TAF5: variants seen among roughly 807,000 people sequenced by gnomAD.
TAF5 encodes the protein TATA-box binding protein associated factor 5, also known as transcription initiation factor TFIID subunit 5.
In TAF5, 20 loss-of-function variants were observed where a neutral mutation model predicts 80.9. That is an observed-to-expected ratio of 0.25 (90% CI 0.17 to 0.36). TAF5 has a LOEUF of 0.36. Among genes scored for constraint, TAF5 ranks in the 10% least tolerant of loss-of-function variants. The pLI is 1.00. For synonymous variants in TAF5, 388 were observed against 406.4 expected, an observed-to-expected ratio of 0.95 and a Z score of 0.55; for missense variants, 863 against 1,029.4, an observed-to-expected ratio of 0.84 and a Z score of 2.21.
At chr10:103,375,111 C>A (rs1452271583) in intron 2 of TAF5, among the ~76,000 whole-genome samples, 2 of 142,050 alleles carry the variant, frequency 1.4e-5, no homozygotes, top group African/African-American at 5.2e-5. Context: ...AAGAGTGAGA[C>A]CCTGTCTCAA....
intron 5 of TAF5, among the ~76,000 whole-genome samples, chr10:103,380,245 C>T (rs2093379504): frequency 6.6e-6 from 1 of 152,030 alleles, no homozygotes; most frequent in Non-Finnish European, 1.5e-5. Flanking sequence ...TCTTCTGCCT[C>T]AGCTTCCCCA....
rs930096730 is a variant in TAF5 at position 103,378,493 on chromosome 10, A to C, written c.1056A>C (p.Ile352=). The change falls in exon 3 of 11, where the codon ATA becomes ATC. Residue 352 remains isoleucine (I), a synonymous_variant. Transcript: ENST00000369839. This position sits in a 1 kb window ranked among gnomAD's most constrained non-coding sequence, Gnocchi z 4.1. ...FDGMPRSKQQ[I]DAMVGSLAGE... is the part of the protein sequence containing the mutation. ...GGATGCCGCGTAGTAAGCAACAGAT[A>C]GATGCGATGGTGGGAAGTTTGGCAG... The C allele has an allele frequency of 1.2e-6, 2 of 1,614,078 alleles. No individual in the cohort carries two copies. Among genetic ancestry groups the C allele is most frequent in the African/African-American group, 1.3e-5 (1 of 74,940 alleles).
Position 103,385,628 on chromosome 10 carries a change from C to T in TAF5, c.1829+138C>T, listed in dbSNP as rs2093394153. The stretch of plus-strand genomic sequence containing the variant: ...TTCTGAGAAGCTTTTGCATTTATAA[C>T]TTATTTGAAATTGGGGCCGGGCGCA... On this transcript the variant is annotated intron_variant, in intron 8 of 10. Coordinates refer to ENST00000369839, the MANE Select transcript of TAF5 (RefSeq NM_006951.5). 2.8e-6 allele frequency: 3 copies of T among 1,072,126 alleles called. No individual in the cohort carries two copies. In the African/African-American group the frequency reaches 4.9e-5, roughly 17 times the overall value. The allele number at this position is 1,072,126 out of a possible 1,614,324, so 66.4% of individuals were successfully genotyped here.
At chr10:103,376,714 C>T (rs1482390003) in intron 2 of TAF5, among the ~76,000 whole-genome samples, 3 of 152,060 alleles carry the variant, frequency 2.0e-5, no homozygotes, top group Non-Finnish European at 2.9e-5. Flanking sequence ...AAAACATAGC[C>T]TGGGCAAAAG....
At chr10:103,377,735 G>A (rs917638972) in intron 2 of TAF5, among the ~76,000 whole-genome samples, 2 of 152,054 alleles carry the variant, frequency 1.3e-5, no homozygotes, top group African/African-American at 4.8e-5. Flanking sequence ...TAAAAATGAT[G>A]GGTTTTATGA....
chr10:103,378,099 T>G lies in TAF5; in HGVS notation c.798-136T>G. 1.5e-6 allele frequency: 1 copy of G among 678,494 alleles called. No homozygotes were observed. Among genetic ancestry groups the G allele is most frequent in the South Asian group, 2.2e-5 (1 of 45,298 alleles). The allele number at this position is 678,494 out of a possible 1,614,324, so 42.0% of individuals were successfully genotyped here. ...TAGTCATTTTGAAATGAGTTACTTC[T>G]TATCCTACAGCTTAGTTCAGGATTA... is the stretch of plus-strand genomic sequence containing the variant. On this transcript the variant is annotated intron_variant, in intron 2 of 10. Transcript: ENST00000369839. This position sits in a 1 kb window ranked among gnomAD's most constrained non-coding sequence, Gnocchi z 4.1.
At position 103,378,654 on chromosome 10, in the gene TAF5, T is replaced by C. The variant is rs761152001; in HGVS notation, c.1113+104T>C. ...TTTCTTATAGCTAGCTTGGAAACAA[T>C]TTTTTTCGTTTGTTTGTTTTGAGAC... On this transcript the variant is annotated intron_variant, in intron 3 of 10. Transcript: ENST00000369839. The surrounding 1 kb of genome is among the most constrained non-coding windows in gnomAD (Gnocchi z 4.1). 2.6e-4 allele frequency: 345 copies of C among 1,325,968 alleles called. No homozygotes were observed. Among genetic ancestry groups the C allele is most frequent in the Non-Finnish European group, 3.2e-4 (313 of 986,478 alleles). 82.1% of individuals were successfully genotyped at this position (1,325,968 alleles called of 1,614,324 possible). A position where few individuals can be genotyped will look rare whatever the true frequency, so the allele number is the denominator to read the frequency against.
chr10:103,384,341 A>G (rs530133166), intron 7 of TAF5, among the ~76,000 whole-genome samples: 11 of 152,286 alleles, frequency 7.2e-5, no homozygotes, highest in African/African-American at 2.6e-4. Context: ...GATAGATAAT[A>G]GCTTTCAGGC....
intron 5 of TAF5, 54 bp downstream of exon 5, chr10:103,380,073 T>C: frequency 6.4e-7 from 1 of 1,565,274 alleles, no homozygotes; most frequent in South Asian, 1.2e-5. Context: ...GGATGATGAT[T>C]TACCATTAAG....
Position 103,378,195 on chromosome 10 carries a change from G to A in TAF5, c.798-40G>A. ...ATGGGGGAAAGGCAGATCCCTTAATGATTACATTGAAAAATGACTTTTTAA... is the reference window on the plus strand; with the variant it reads ...ATGGGGGAAAGGCAGATCCCTTAATAATTACATTGAAAAATGACTTTTTAA... On this transcript the variant is annotated intron_variant, in intron 2 of 10. Coordinates refer to ENST00000369839, the MANE Select transcript of TAF5 (RefSeq NM_006951.5). This position sits in a 1 kb window ranked among gnomAD's most constrained non-coding sequence, Gnocchi z 4.1. 2 of 1,560,806 alleles carry A rather than the reference G, an allele frequency of 1.3e-6. No homozygotes were observed. Among genetic ancestry groups the A allele is most frequent in the Non-Finnish European group, 1.7e-6 (2 of 1,144,076 alleles).
intron 1 of TAF5, among the ~76,000 whole-genome samples, 174 bp from the exon 2 acceptor site, chr10:103,373,184 A>G (rs1362772770): frequency 6.6e-6 from 1 of 151,678 alleles, no homozygotes; most frequent in Non-Finnish European, 1.5e-5. Context: ...CGACAGAGCC[A>G]GACTCCCTCT....
chr10:103,377,412 G>A (rs1053396742), intron 2 of TAF5, among the ~76,000 whole-genome samples: 6 of 152,184 alleles, frequency 3.9e-5, no homozygotes, highest in Non-Finnish European at 7.3e-5. Flanking sequence ...TTGACTATGT[G>A]CTTATCAGAG....
At chr10:103,377,098 T>TG (rs1340783480) in intron 2 of TAF5, among the ~76,000 whole-genome samples, 5 of 152,166 alleles carry the variant, frequency 3.3e-5, no homozygotes, top group African/African-American at 4.8e-5. Flanking sequence ...TCAGGCTGCA[T>TG]TGAACCACTG....
Position 103,383,351 on chromosome 10 carries a change from A to G in TAF5, c.1648A>G (p.Ser550Gly). 3 of 1,597,202 alleles carry G rather than the reference A, an allele frequency of 1.9e-6. No individual in the cohort carries two copies. Among genetic ancestry groups the G allele is most frequent in the Non-Finnish European group, 2.6e-6 (3 of 1,175,546 alleles). Residue 550 changes from serine to glycine, a missense_variant, in exon 7 of 11, where the codon AGC becomes GGC. Physicochemically the swap from Ser to Gly is moderately conservative, Grantham distance 56. Coordinates refer to ENST00000369839, the MANE Select transcript of TAF5 (RefSeq NM_006951.5). ...TCACAGTGGGCCTGTCTACGGAGCC[A>G]GCTTCAGTCCGGATAGGTAAAATAC... ...YGHSGPVYGA[S>G]FSPDRNYLLS...
chr10:103,372,994 A>C (rs1475208070), intron 1 of TAF5, among the ~76,000 whole-genome samples: 1 of 151,772 alleles, frequency 6.6e-6, no homozygotes, highest in East Asian at 1.9e-4. Context: ...CACAAGGTCA[A>C]GATATCAAGA....
At chr10:103,372,373 C>T (rs1455049577) in intron 1 of TAF5, among the ~76,000 whole-genome samples, 1 of 145,086 alleles carries the variant, frequency 6.9e-6, no homozygotes, top group African/African-American at 2.6e-5. Context: ...CTTGCTCTGT[C>T]GCCCAGGCTG....
At chr10:103,385,252 C>T in intron 7 of TAF5, 74 bp from the exon 8 acceptor site, 1 of 1,187,702 alleles carries the variant, frequency 8.4e-7, no homozygotes, top group Non-Finnish European at 1.2e-6. Context: ...TAAATGTATT[C>T]AAATGTATAT....
rs2093378486 is a variant in TAF5, at chr10:103,379,910, C to T, written c.1304C>T (p.Ser435Leu). 1 of 1,612,828 alleles carries T rather than the reference C, an allele frequency of 6.2e-7. No homozygotes were observed. The highest frequency in any genetic ancestry group is 1.3e-5 in the African/African-American group (1 of 74,840). ...NRIPLPELKD[S>L]DKLDKIMNMK... ...ATCCCTCTTCCTGAGTTGAAAGATTCAGATAAGTTGGATAAGATAATGAAT... is the reference window on the plus strand; with the variant it reads ...ATCCCTCTTCCTGAGTTGAAAGATTTAGATAAGTTGGATAAGATAATGAAT... Residue 435 changes from serine to leucine, a missense_variant, in exon 5 of 11, where the codon TCA becomes TTA. Physicochemically the swap from Ser to Leu is moderately radical, Grantham distance 145. This residue lies in a region of TAF5 where 368 missense variants were observed against 461.7 expected (regional missense o/e 0.80). Coordinates refer to ENST00000369839, the MANE Select transcript of TAF5 (RefSeq NM_006951.5).
intron 2 of TAF5, among the ~76,000 whole-genome samples, chr10:103,376,538 AG>A (rs889322237): frequency 3.3e-5 from 5 of 152,082 alleles, no homozygotes; most frequent in Non-Finnish European, 7.4e-5. Context: ...GATGCCTAAT[AG>A]GAAGTATATA....
Sources: gnomAD v4.1 joint callset for allele counts (sites outside exome capture counted in the v4.1 genomes callset) on GRCh38, gnomAD v4.1.1 for gene constraint, gnomAD v4.1.1 regional missense constraint, Gnocchi (gnomAD v3.1) non-coding constraint, MANE v1.5 for transcripts, NCBI Gene and HGNC (gene_info 2026-07-23, HGNC 2026-07-21) for gene names.